The following INSL6 variants were observed in gnomAD, a reference collection of about 807,000 sequenced individuals.
INSL6 encodes insulin-like peptide INSL6.
A neutral mutation model predicts 9.4 loss-of-function variants in INSL6; 16 were observed. That is an observed-to-expected ratio of 1.70 (90% CI 1.15 to 2.59). INSL6 has a LOEUF of 2.59. Among genes scored for constraint, INSL6 ranks in the 30% most tolerant of loss-of-function variants. INSL6 has a pLI of 0.00. For missense variants in INSL6, 391 were observed against 257.3 expected (o/e 1.52, Z -3.56); for synonymous variants, 154 against 96.9 (o/e 1.59, Z -3.46).
chr9:5,099,793 G>C, the INSL6 span: 1 of 152,116 alleles, frequency 6.6e-6, no homozygotes, highest in South Asian at 2.1e-4. Flanking sequence ...TATCTTCACT[G>C]CCTCAACCAA....
chr9:5,038,876 C>T, the INSL6 span, among the ~76,000 whole-genome samples: 4 of 152,016 alleles, frequency 2.6e-5, no homozygotes, highest in African/African-American at 9.7e-5. Context: ...CAATGTAATA[C>T]ACCACATTAA....
the INSL6 span, among the ~76,000 whole-genome samples, chr9:5,053,034 A>G: frequency 3.9e-5 from 6 of 152,056 alleles, no homozygotes; most frequent in Non-Finnish European, 7.4e-5. Flanking sequence ...TTCCTGGAAC[A>G]TATGGTAACT....
intron 1 of INSL6, among the ~76,000 whole-genome samples, chr9:5,180,563 T>A (rs555754486): frequency 4.4e-4 from 67 of 152,280 alleles, no homozygotes; most frequent in African/African-American, 1.5e-3. Flanking sequence ...CGGGAATGTC[T>A]GTCTTATGTC....
At chr9:5,026,228 T>C in the INSL6 span, among the ~76,000 whole-genome samples, 1 of 152,206 alleles carries the variant, frequency 6.6e-6, no homozygotes, top group Non-Finnish European at 1.5e-5. Flanking sequence ...AGTTTCACCT[T>C]AGTTGTATTC....
intron 2 of INSL6, among the ~76,000 whole-genome samples, chr9:5,147,467 T>C (rs1164490965): frequency 2.0e-5 from 3 of 152,326 alleles, no homozygotes; most frequent in Non-Finnish European, 2.9e-5. Context: ...TCCAGGGAGT[T>C]GCCAAGTTGC....
the INSL6 span, among the ~76,000 whole-genome samples, chr9:5,101,662 T>G: frequency 6.6e-6 from 1 of 152,198 alleles, no homozygotes; most frequent in Non-Finnish European, 1.5e-5. Context: ...GGTGCCTGTC[T>G]GGGACGAAGC....
the INSL6 span, among the ~76,000 whole-genome samples, chr9:5,009,436 A>AT: frequency 1.9e-4 from 28 of 148,668 alleles, no homozygotes; most frequent in Admixed American, 2.7e-4. Flanking sequence ...ACTAGTCAGG[A>AT]TTTTTTTTTT....
chr9:5,033,762 A>G, the INSL6 span, among the ~76,000 whole-genome samples: 2 of 152,192 alleles, frequency 1.3e-5, no homozygotes, highest in African/African-American at 2.4e-5. Flanking sequence ...GAAAGGAACA[A>G]CTGGTACCAG....
intron 1 of INSL6, among the ~76,000 whole-genome samples, chr9:5,180,637 G>T (rs1215734067): frequency 1.3e-5 from 2 of 152,108 alleles, no homozygotes; most frequent in East Asian, 3.9e-4. Context: ...CTAGGGTGGG[G>T]AAAAACTCCA....
chr9:5,123,899 T>C (rs551427035), exon 4 of INSL6, among the ~76,000 whole-genome samples: 1 of 151,834 alleles, frequency 6.6e-6, no homozygotes, highest in African/African-American at 2.4e-5. Context: ...TTTTTTTTTT[T>C]TGTCATTCTG....
chr9:5,065,756 G>A, the INSL6 span, among the ~76,000 whole-genome samples: 1 of 152,048 alleles, frequency 6.6e-6, no homozygotes, highest in East Asian at 1.9e-4. Flanking sequence ...GCTAGGATGT[G>A]GTTTATGTTG....
At chr9:5,163,412 C>A (rs980377149), downstream of INSL6, among the ~76,000 whole-genome samples, 1 of 152,150 alleles carries the variant, frequency 6.6e-6, no homozygotes, top group Non-Finnish European at 1.5e-5. Context: ...TGAAGAGAAA[C>A]TGACTACTAT....
chr9:5,085,339 C>A, the INSL6 span: 1 of 875,078 alleles, frequency 1.1e-6, no homozygotes, highest in Non-Finnish European at 1.9e-6. Flanking sequence ...AAAAGCTATT[C>A]CTACATTTTT....
At chr9:5,131,759 G>C (rs1564033382) in intron 3 of INSL6, among the ~76,000 whole-genome samples, 2 of 152,064 alleles carry the variant, frequency 1.3e-5, no homozygotes, top group Non-Finnish European at 2.9e-5. Flanking sequence ...ATTTTAATCT[G>C]CATAACCAAG....
At chr9:5,063,561 G>A in the INSL6 span, among the ~76,000 whole-genome samples, 1 of 151,964 alleles carries the variant, frequency 6.6e-6, no homozygotes, top group Non-Finnish European at 1.5e-5. Context: ...ACAGCCTCTG[G>A]TATTTGTTGG....
the INSL6 span, among the ~76,000 whole-genome samples, chr9:5,086,719 G>A: frequency 6.6e-6 from 1 of 152,098 alleles, no homozygotes; most frequent in African/African-American, 2.4e-5. Flanking sequence ...CTCCCTGTCT[G>A]ACTATAACTT....
the INSL6 span, among the ~76,000 whole-genome samples, chr9:5,092,258 T>C: frequency 1.3e-5 from 2 of 152,088 alleles, no homozygotes; most frequent in Non-Finnish European, 2.9e-5. Context: ...GAGTGCTTGG[T>C]TGAGGTTGAA....
chr9:5,096,807 C>T, the INSL6 span: 1 of 152,134 alleles, frequency 6.6e-6, no homozygotes, highest in Non-Finnish European at 1.5e-5. Context: ...AGGAACTCTG[C>T]TAGGAGATGA....
chr9:5,112,980 G>A, the INSL6 span: 5 of 189,696 alleles, frequency 2.6e-5, no homozygotes, highest in South Asian at 3.2e-4. Context: ...AGCCAACACC[G>A]ACCTGATGAG....
Sources: allele counts gnomAD v4.1 joint callset (sites outside exome capture counted in the v4.1 genomes callset), GRCh38; gene constraint gnomAD v4.1.1; transcripts MANE v1.5; gene names NCBI Gene and HGNC (gene_info 2026-07-23, HGNC 2026-07-21).